Variants in DNAI2 observed in about 807,000 individuals in gnomAD.
DNAI2 encodes the protein dynein axonemal intermediate chain 2, also known as dynein, axonemal, intermediate polypeptide 2.
In DNAI2, 63 loss-of-function variants were observed where a neutral mutation model predicts 74.7. The observed-to-expected ratio is 0.84, with a 90% CI of 0.69 to 1.04. The LOEUF (loss-of-function observed/expected upper bound fraction) is 1.04. Among genes scored for constraint, DNAI2 ranks in the 50% least tolerant of loss-of-function variants. DNAI2 has a pLI of 0.00. For synonymous variants in DNAI2, 289 were observed against 314.9 expected (o/e 0.92, Z 0.87); for missense variants, 688 against 803.2 (o/e 0.86, Z 1.73).
intron 9 of DNAI2, among the ~76,000 whole-genome samples, chr17:74,308,696 A>AT (rs919935748): frequency 5.9e-5 from 9 of 152,014 alleles, no homozygotes; most frequent in African/African-American, 1.7e-4. Flanking sequence ...TAATTTTTTT[A>AT]TTTTTTGTAG....
chr17:74,290,391 T>C (rs1028913888), intron 5 of DNAI2, among the ~76,000 whole-genome samples: 1 of 152,234 alleles, frequency 6.6e-6, no homozygotes. Context: ...CTTGTGCCTT[T>C]GTCCCATCTG....
chr17:74,291,922 G>A (rs2052133104), intron 6 of DNAI2, among the ~76,000 whole-genome samples: 2 of 151,436 alleles, frequency 1.3e-5, no homozygotes, highest in Admixed American at 6.6e-5. Context: ...GGAGTGCAGT[G>A]GTGCAGTCTC....
At position 74,314,145 on chromosome 17, in the gene DNAI2, C is replaced by G. The variant is rs371333933; in HGVS notation, c.1747C>G (p.Gln583Glu). ...GCAGCAACCAAGTCCAGAAGAAGAC[C>G]AGGTGGTGGAGGAGGGAGAGGAAGC... ...VPQQPSPEED[Q>E]VVEEGEEAAG... Residue 583 changes from glutamine (Q) to glutamate (E), a missense_variant, in exon 13 of 14, where the codon CAG (glutamine) becomes GAG (glutamate). Transcript: ENST00000311014. 6.2e-7 allele frequency: 1 copy of G among 1,614,106 alleles called. No individual in the cohort carries two copies. The highest frequency in any genetic ancestry group is 8.5e-7 in the Non-Finnish European group (1 of 1,179,964).
intron 3 of DNAI2, among the ~76,000 whole-genome samples, chr17:74,285,592 CAA>C (rs34628493): frequency 2.0e-3 from 276 of 140,750 alleles, no homozygotes; most frequent in African/African-American, 4.4e-3. Context: ...CTTGCCAGTG[CAA>C]AAAAAAAAAA....
At chr17:74,308,142 G>A (rs547131811) in intron 9 of DNAI2, among the ~76,000 whole-genome samples, 44 of 152,110 alleles carry the variant, frequency 2.9e-4, no homozygotes, top group Non-Finnish European at 6.2e-4. Context: ...CTGTGGTCTG[G>A]CTGTCAACAC....
At chr17:74,297,171 C>T (rs112830002) in intron 6 of DNAI2, among the ~76,000 whole-genome samples, 10,355 of 152,138 alleles carry the variant, frequency 0.068, 408 homozygotes, top group Admixed American at 0.11. Flanking sequence ...CTGCAAGCTC[C>T]GCCTCCCAGG....
Position 74,289,724 on chromosome 17 carries a change from A to G in DNAI2, c.598A>G (p.Ile200Val). The G allele has an allele frequency of 6.2e-7, 1 of 1,613,948 alleles. No individual in the cohort carries two copies. Among genetic ancestry groups the G allele is most frequent in the Non-Finnish European group, 8.5e-7 (1 of 1,179,972 alleles). The change falls in exon 5 of 14, where the codon ATC becomes GTC. Residue 200 changes from isoleucine to valine, a missense_variant. Ile to Val is a conservative substitution (Grantham distance 29). Transcript: ENST00000311014. The part of the protein sequence containing the change: ...APVGMSSDSY[I>V]WDLENPNKPE... ...TGTGGGCATGAGCAGCGATTCATACATCTGGGACCTGGGTGAGAAGCAGCG... is the reference window on the plus strand; with the variant it reads ...TGTGGGCATGAGCAGCGATTCATACGTCTGGGACCTGGGTGAGAAGCAGCG...
intron 2 of DNAI2, 74 bp downstream of exon 2, chr17:74,282,074 G>A: frequency 1.3e-6 from 2 of 1,560,582 alleles, no homozygotes; most frequent in Non-Finnish European, 1.8e-6. Flanking sequence ...CCGGTGAGTG[G>A]TTCTGTGGGT....
In DNAI2 at chr17:74,310,101, CT is replaced by C. The variant is rs2053427700; in HGVS notation, c.1433del (p.Leu478ArgfsTer18). ...CGGCTCCCAGCTGGGGACAACCACC[CT>C]GCTGGAGGTCTCGCCTGGGCTCTCT... is the stretch of plus-strand genomic sequence containing the variant. ...ACGSQLGTTT[L>X]LEVSPGLSTL... On this transcript the variant is annotated frameshift_variant, in exon 11 of 14. Transcript: ENST00000311014. LOFTEE classifies it high-confidence loss of function. 3.1e-6 allele frequency: 5 copies of C among 1,613,776 alleles called. No homozygotes were observed. The highest frequency in any genetic ancestry group is 1.3e-5 in the African/African-American group (1 of 74,936).
At chr17:74,282,825 G>A (rs540993717) in intron 2 of DNAI2, among the ~76,000 whole-genome samples, 2 of 152,334 alleles carry the variant, frequency 1.3e-5, no homozygotes, top group East Asian at 3.9e-4. Flanking sequence ...AAATGATAAC[G>A]AAATCACTTG....
chr17:74,279,222 A>T (rs1048714560), intron 1 of DNAI2, among the ~76,000 whole-genome samples: 2 of 152,220 alleles, frequency 1.3e-5, no homozygotes, highest in African/African-American at 4.8e-5. Flanking sequence ...GAGGGGATGG[A>T]TACCCCATTC....
chr17:74,292,261 G>A (rs1039978147), intron 6 of DNAI2, among the ~76,000 whole-genome samples: 2 of 152,066 alleles, frequency 1.3e-5, no homozygotes, highest in Non-Finnish European at 1.5e-5. Context: ...AATTCAGTCT[G>A]TTTATTTGTT....
At chr17:74,287,306 C>T (rs2051811526) in intron 4 of DNAI2, among the ~76,000 whole-genome samples, 1 of 152,198 alleles carries the variant, frequency 6.6e-6, no homozygotes, top group African/African-American at 2.4e-5. Context: ...GGAGTACAGA[C>T]TCCAGAGAAA....
rs1051715528 is a variant in DNAI2 at position 74,300,305 on chromosome 17, G to A, written c.864+448G>A. ...ACATGCCCACGGAACAGAATCTAAAGGGTGCAAAAAAGAAAATGCCTTCCT... is the reference window on the plus strand; with the variant it reads ...ACATGCCCACGGAACAGAATCTAAAAGGTGCAAAAAAGAAAATGCCTTCCT... On this transcript the variant is annotated intron_variant, in intron 7 of 13. Coordinates refer to ENST00000311014, the MANE Select transcript of DNAI2 (RefSeq NM_023036.6). The surrounding 1 kb of genome is among the most constrained non-coding windows in gnomAD (Gnocchi z 4.5). Among the ~76,000 whole-genome samples, 4 of 152,110 alleles carry A rather than the reference G, an allele frequency of 2.6e-5. No individual in the cohort carries two copies. The highest frequency in any genetic ancestry group is 5.9e-5 in the Non-Finnish European group (4 of 68,016).
chr17:74,304,585 C>G (rs1033237820), intron 8 of DNAI2, among the ~76,000 whole-genome samples: 1 of 152,184 alleles, frequency 6.6e-6, no homozygotes, highest in Non-Finnish European at 1.5e-5. Context: ...TTTGTGCATT[C>G]AGTCCGCAGT....
chr17:74,291,109 G>A lies in DNAI2; in HGVS notation c.700G>A (p.Gly234Ser), dbSNP rs763997928. The change falls in exon 6 of 14, where the codon GGT (glycine) becomes AGT (serine). Residue 234 changes from glycine (G) to serine (S), a missense_variant. Coordinates refer to ENST00000311014, the MANE Select transcript of DNAI2 (RefSeq NM_023036.6). The stretch of plus-strand genomic sequence containing the variant: ...CCCCAAAGATTCCCACGTACTCCTG[G>A]GTGGCTGCTACAATGGACAGATAGG... ...FNPKDSHVLL[G>S]GCYNGQIACW... is the part of the protein sequence containing the mutation. 2.5e-6 allele frequency: 4 copies of A among 1,614,014 alleles called. No homozygotes were observed. Among genetic ancestry groups the A allele is most frequent in the Non-Finnish European group, 2.5e-6 (3 of 1,179,942 alleles).
chr17:74,312,547 A>G (rs2053598984), intron 12 of DNAI2, among the ~76,000 whole-genome samples: 2 of 152,084 alleles, frequency 1.3e-5, no homozygotes, highest in Non-Finnish European at 2.9e-5. Flanking sequence ...GTGTTGAGTG[A>G]CTGAACGAGG....
intron 3 of DNAI2, 122 bp downstream of exon 3, chr17:74,285,323 G>T: frequency 8.0e-7 from 1 of 1,256,186 alleles, no homozygotes; most frequent in Non-Finnish European, 1.1e-6. Flanking sequence ...TGGGGGGAAG[G>T]GGACCAGCTG....
intron 12 of DNAI2, among the ~76,000 whole-genome samples, chr17:74,313,101 C>T (rs758228934): frequency 5.9e-5 from 9 of 152,320 alleles, no homozygotes; most frequent in Middle Eastern, 3.4e-3. Context: ...TTAAACCAAG[C>T]GTGGGCCCTG....
Sources: allele counts gnomAD v4.1 joint callset (sites outside exome capture counted in the v4.1 genomes callset), GRCh38; gene constraint gnomAD v4.1.1; non-coding constraint Gnocchi (gnomAD v3.1); transcripts MANE v1.5; gene names NCBI Gene and HGNC (gene_info 2026-07-23, HGNC 2026-07-21).